The following ASNS variants were observed in gnomAD, a reference collection of about 807,000 sequenced individuals.
The protein encoded by ASNS is asparagine synthetase [glutamine-hydrolyzing].
Under a neutral mutation model 62.6 loss-of-function variants are expected in ASNS, and 37 were observed. The observed-to-expected ratio is 0.59, with a 90% CI of 0.45 to 0.78. The LOEUF (loss-of-function observed/expected upper bound fraction) is 0.78, where lower values mean the gene tolerates loss of function less well. ASNS is among the 30% of genes least tolerant of loss of function. The pLI is 0.00. For synonymous variants in ASNS, 207 were observed against 237.9 expected, an observed-to-expected ratio of 0.87 and a Z score of 1.19; for missense variants, 520 against 682.4, an observed-to-expected ratio of 0.76 and a Z score of 2.65.
chr7:97,898,198 G>A, the ASNS span: 1 of 275,702 alleles, frequency 3.6e-6, no homozygotes, highest in Non-Finnish European at 6.8e-6. Context: ...GCGTTCAAGT[G>A]ATTCTCATGC....
At chr7:97,859,544 T>G (rs1366435149) in intron 4 of ASNS, 146 bp from the exon 5 acceptor site, 1 of 846,718 alleles carries the variant, frequency 1.2e-6, no homozygotes, top group Non-Finnish European at 1.7e-6. Context: ...AAAAAAATTT[T>G]CTATTTTCCT....
Position 97,861,305 on chromosome 7 carries a change from C to T in ASNS, c.488-1907G>A, listed in dbSNP as rs187418552. Among the ~76,000 whole-genome samples, 205 of 152,064 alleles carry T rather than the reference C, an allele frequency of 1.3e-3. 2 individuals are homozygous for T. In the South Asian group the frequency reaches 0.033, roughly 25 times the overall value. ...GGGATTACAGGCATAAGCCATCGCG[C>T]CTGGCCTGATCCATTTTTCTGTATC... On this transcript the variant is annotated intron_variant, in intron 4 of 12. Coordinates refer to ENST00000394308, the MANE Select transcript of ASNS (RefSeq NM_001673.5).
At chr7:97,857,727 C>T (rs1791521559) in intron 7 of ASNS, among the ~76,000 whole-genome samples, 2 of 151,952 alleles carry the variant, frequency 1.3e-5, no homozygotes, top group Admixed American at 6.6e-5. Context: ...CAGACCTCCC[C>T]CCACAGCCTC....
At chr7:97,912,565 CTTTTTTT>C in the ASNS span, among the ~76,000 whole-genome samples, 23 of 41,486 alleles carry the variant, frequency 5.5e-4, no homozygotes, top group African/African-American at 1.6e-3. Context: ...GTTAACTTTG[CTTTTTTT>C]TTTTTTTTTT....
the ASNS span, among the ~76,000 whole-genome samples, chr7:97,878,655 A>G: frequency 6.6e-6 from 1 of 152,206 alleles, no homozygotes; most frequent in Non-Finnish European, 1.5e-5. Flanking sequence ...GATACAAACA[A>G]ATGGAAGAAC....
At chr7:97,920,816 A>T in the ASNS span, among the ~76,000 whole-genome samples, 5 of 152,252 alleles carry the variant, frequency 3.3e-5, no homozygotes, top group Non-Finnish European at 7.3e-5. Context: ...GACATTATAA[A>T]ACTTGGGGGA....
the ASNS span, among the ~76,000 whole-genome samples, chr7:97,904,441 G>A: frequency 1.3e-5 from 2 of 152,176 alleles, no homozygotes; most frequent in South Asian, 4.2e-4. Flanking sequence ...TGCTACATCT[G>A]CAGGGAGGTG....
chr7:97,898,573 CTTCTTTCAAGTCATTT>C, the ASNS span: 22 of 602,752 alleles, frequency 3.6e-5, no homozygotes, highest in African/African-American at 3.5e-4. Context: ...TTATTGACCA[CTTCTTTCAAGTCATTT>C]GTCTGCATCT....
rs1046740601 is a variant in ASNS, at chr7:97,854,441, T to G, written c.1238+139A>C. 2.9e-6 allele frequency: 3 copies of G among 1,033,006 alleles called. No individual in the cohort carries two copies. The Admixed American group carries it at 8.7e-5, about 30-fold the overall frequency. The allele number at this position is 1,033,006 out of a possible 1,614,324, so 64.0% of individuals were successfully genotyped here. A position where few individuals can be genotyped will look rare whatever the true frequency, so the allele number is the denominator to read the frequency against. On this transcript the variant is annotated intron_variant, in intron 10 of 12. Transcript: ENST00000394308. ...CATTTTCTCTATAAAAGTCACACTT[T>G]GTAACATATAGCCAACTATATGTAA...
At chr7:97,877,096 T>C (rs1429980095), upstream of ASNS, among the ~76,000 whole-genome samples, 2 of 6,390 alleles carry the variant, frequency 3.1e-4, no homozygotes, top group East Asian at 0.036. Flanking sequence ...ATTTAACTTC[T>C]TTTTTTTTTT....
chr7:97,906,008 C>T, the ASNS span, among the ~76,000 whole-genome samples: 1 of 152,162 alleles, frequency 6.6e-6, no homozygotes, highest in South Asian at 2.1e-4. Context: ...TAGGTTGGTG[C>T]AAAAGTAACT....
chr7:97,885,615 G>C, the ASNS span, among the ~76,000 whole-genome samples: 1 of 152,162 alleles, frequency 6.6e-6, no homozygotes, highest in Non-Finnish European at 1.5e-5. Context: ...TAGATCCTCA[G>C]GGTCCACACT....
chr7:97,877,283 C>T (rs564737566), upstream of ASNS, among the ~76,000 whole-genome samples: 32 of 151,852 alleles, frequency 2.1e-4, no homozygotes, highest in Non-Finnish European at 3.5e-4. Context: ...TTAGTAGAGA[C>T]GGGGTTTTAC....
the ASNS span, among the ~76,000 whole-genome samples, chr7:97,901,512 C>A: frequency 6.6e-6 from 1 of 152,164 alleles, no homozygotes; most frequent in South Asian, 2.1e-4. Flanking sequence ...TTTTTATCCT[C>A]CACACCTGGC....
In ASNS at chr7:97,858,421, G is replaced by C. The variant is rs1791561512; in HGVS notation, c.776-16C>G. ...TCCAAGCCCCCTACATGCAAAAGAG[G>C]AAGTGGAAGTGTCCTAGTTATGTGC... On this transcript the variant is annotated splice_polypyrimidine_tract_variant and intron_variant, in intron 6 of 12. Coordinates refer to ENST00000394308, the MANE Select transcript of ASNS (RefSeq NM_001673.5). 1 of 1,613,864 alleles carries C rather than the reference G, an allele frequency of 6.2e-7. No individual in the cohort carries two copies.
chr7:97,898,073 G>A, the ASNS span, among the ~76,000 whole-genome samples: 4 of 151,806 alleles, frequency 2.6e-5, no homozygotes, highest in African/African-American at 4.8e-5. Flanking sequence ...GACTACAGGC[G>A]CATGCCACCA....
chr7:97,860,059 C>T (rs898066728), intron 4 of ASNS, among the ~76,000 whole-genome samples: 1 of 152,144 alleles, frequency 6.6e-6, no homozygotes, highest in Non-Finnish European at 1.5e-5. Context: ...GGACTATCTA[C>T]ATGGAATACT....
At chr7:97,902,515 C>T in the ASNS span, among the ~76,000 whole-genome samples, 6 of 151,988 alleles carry the variant, frequency 3.9e-5, no homozygotes, top group Non-Finnish European at 7.4e-5. Flanking sequence ...AGCTTGAGAC[C>T]AGCCTGGGCA....
the ASNS span, among the ~76,000 whole-genome samples, chr7:97,917,046 G>A: frequency 4.6e-5 from 7 of 152,008 alleles, no homozygotes; most frequent in African/African-American, 1.7e-4. Flanking sequence ...CAGACACTTG[G>A]AGAGTCCTTC....
Sources: gnomAD v4.1 joint callset for allele counts (sites outside exome capture counted in the v4.1 genomes callset) on GRCh38, gnomAD v4.1.1 for gene constraint, MANE v1.5 for transcripts, NCBI Gene and HGNC (gene_info 2026-07-23, HGNC 2026-07-21) for gene names.